TENM4: variants seen among roughly 807,000 people sequenced by gnomAD.
TENM4 encodes the protein teneurin transmembrane protein 4.
In TENM4, 82 loss-of-function variants were observed where a neutral mutation model predicts 243.3. The observed-to-expected ratio is 0.34, with a 90% CI of 0.28 to 0.40. The LOEUF is 0.40. Ranked by LOEUF, TENM4 falls within the 10% of genes least tolerant of loss-of-function variation. The pLI is 1.00. For synonymous variants in TENM4, 1,412 were observed against 1,456.3 expected (o/e 0.97, Z 0.69); for missense variants, 3,138 against 3,673.3 (o/e 0.85, Z 3.77).
At chr11:79,135,499 G>A (rs1862089679) in intron 4 of TENM4, among the ~76,000 whole-genome samples, 1 of 151,768 alleles carries the variant, frequency 6.6e-6, no homozygotes. Context: ...CCCACTAGTG[G>A]GTATCTACCC....
At chr11:79,253,617 C>T (rs1855651299) in intron 2 of TENM4, among the ~76,000 whole-genome samples, 1 of 152,154 alleles carries the variant, frequency 6.6e-6, no homozygotes, top group Admixed American at 6.5e-5. Flanking sequence ...ATTGGTACAG[C>T]TTCTCCTCTG....
At chr11:79,053,975 C>T (rs1164871210) in intron 6 of TENM4, among the ~76,000 whole-genome samples, 2 of 152,156 alleles carry the variant, frequency 1.3e-5, no homozygotes, top group Admixed American at 6.5e-5. Flanking sequence ...TCTTGACATG[C>T]TAGTTTCATG....
At chr11:78,689,230 A>G (rs756929922) in intron 28 of TENM4, among the ~76,000 whole-genome samples, 1 of 152,236 alleles carries the variant, frequency 6.6e-6, no homozygotes, top group African/African-American at 2.4e-5. Context: ...TCTGTCTTCA[A>G]TGAACATTTC....
chr11:79,346,546 C>T (rs539538872), intron 1 of TENM4, among the ~76,000 whole-genome samples: 27 of 152,234 alleles, frequency 1.8e-4, no homozygotes, highest in Admixed American at 7.8e-4. Flanking sequence ...TATTCTATTA[C>T]GAGTAATTAG....
intron 6 of TENM4, among the ~76,000 whole-genome samples, chr11:78,908,161 A>G (rs1395927833): frequency 6.6e-6 from 1 of 152,216 alleles, no homozygotes; most frequent in Admixed American, 6.5e-5. Context: ...GCAGAGCCGT[A>G]TGTAAGAGAA....
chr11:78,670,961 C>G (rs1400173486), intron 31 of TENM4, among the ~76,000 whole-genome samples: 1 of 152,238 alleles, frequency 6.6e-6, no homozygotes, highest in East Asian at 1.9e-4. Context: ...GAAGTATGTA[C>G]AGCAGTCTGG....
intron 6 of TENM4, among the ~76,000 whole-genome samples, chr11:78,921,542 G>A (rs983042093): frequency 6.6e-6 from 1 of 152,204 alleles, no homozygotes; most frequent in African/African-American, 2.4e-5. Context: ...CGTATTTGCC[G>A]TGTATGAGCC....
At chr11:79,390,321 G>A (rs1209585253) in intron 1 of TENM4, among the ~76,000 whole-genome samples, 1 of 152,232 alleles carries the variant, frequency 6.6e-6, no homozygotes, top group Non-Finnish European at 1.5e-5. Context: ...TGCCAGCACA[G>A]TTAATGGGAA....
chr11:78,885,676 T>C (rs1855533650), intron 9 of TENM4, among the ~76,000 whole-genome samples: 1 of 152,202 alleles, frequency 6.6e-6, no homozygotes, highest in South Asian at 2.1e-4. Flanking sequence ...TCCCAGCCTG[T>C]TGGGAAGCTG....
intron 2 of TENM4, among the ~76,000 whole-genome samples, chr11:79,224,966 AG>A (rs1312519116): frequency 6.6e-6 from 1 of 150,954 alleles, no homozygotes; most frequent in African/African-American, 2.4e-5. Flanking sequence ...AAAAAGGGGG[AG>A]GGGGGAAATT....
intron 4 of TENM4, among the ~76,000 whole-genome samples, chr11:79,104,513 C>A (rs1861314502): frequency 1.3e-5 from 2 of 152,194 alleles, no homozygotes; most frequent in African/African-American, 2.4e-5. Flanking sequence ...CCATGAGTAT[C>A]TTTCACATCC....
intron 4 of TENM4, among the ~76,000 whole-genome samples, chr11:79,142,242 C>T (rs1862300452): frequency 6.6e-6 from 1 of 151,896 alleles, no homozygotes; most frequent in South Asian, 2.1e-4. Context: ...CTAAAGACTC[C>T]ATCAAAAAAT....
chr11:79,400,127 ACACACACACAC>A (rs1858430044), intron 1 of TENM4, among the ~76,000 whole-genome samples: 1 of 151,132 alleles, frequency 6.6e-6, no homozygotes, highest in South Asian at 2.1e-4. Context: ...ACACACACAC[ACACACACACAC>A]ACACACACCC....
chr11:78,686,904 G>A (rs116969150), intron 29 of TENM4, among the ~76,000 whole-genome samples: 3 of 152,176 alleles, frequency 2.0e-5, no homozygotes, highest in Admixed American at 2.0e-4. Flanking sequence ...AAAAGTGGTT[G>A]TAAGAATATA....
At chr11:79,415,781 A>G (rs1003282415) in intron 1 of TENM4, among the ~76,000 whole-genome samples, 2 of 152,198 alleles carry the variant, frequency 1.3e-5, no homozygotes, top group Non-Finnish European at 2.9e-5. Context: ...AAATTGCACA[A>G]CCTGATGAGT....
At chr11:78,955,293 G>T (rs566759922) in intron 6 of TENM4, among the ~76,000 whole-genome samples, 1 of 152,184 alleles carries the variant, frequency 6.6e-6, no homozygotes, top group Non-Finnish European at 1.5e-5. Flanking sequence ...AACGAGCTTC[G>T]GGAATGAGAG....
At chr11:79,017,730 G>A (rs1858816262) in intron 6 of TENM4, among the ~76,000 whole-genome samples, 1 of 152,192 alleles carries the variant, frequency 6.6e-6, no homozygotes, top group South Asian at 2.1e-4. Flanking sequence ...GCAGAAGGCA[G>A]GCAGGAAGGA....
Position 78,729,914 on chromosome 11 carries a change from C to T in TENM4, c.3139-271G>A, listed in dbSNP as rs900544525. Among the ~76,000 whole-genome samples, 3 of 152,032 alleles carry T rather than the reference C, an allele frequency of 2.0e-5. No homozygotes were observed. The South Asian group carries it at 6.2e-4, about 32-fold the overall frequency. On this transcript the variant is annotated intron_variant, in intron 21 of 33. Coordinates refer to ENST00000278550, the MANE Select transcript of TENM4 (RefSeq NM_001098816.3). The stretch of plus-strand genomic sequence containing the variant: ...TGTCAGAGGACCTGGTATCTGGGGC[C>T]AGTTTTCATGTGGTGACCCTGCAGG...
At chr11:79,116,574 CA>C (rs1861626917) in intron 4 of TENM4, among the ~76,000 whole-genome samples, 1 of 152,156 alleles carries the variant, frequency 6.6e-6, no homozygotes, top group Non-Finnish European at 1.5e-5. Context: ...TGCTCTCCCC[CA>C]AATGAATCTT....
Sources: allele counts gnomAD v4.1 joint callset (sites outside exome capture counted in the v4.1 genomes callset), GRCh38; gene constraint gnomAD v4.1.1; transcripts MANE v1.5; gene names NCBI Gene and HGNC (gene_info 2026-07-23, HGNC 2026-07-21).